The following ADAMTS18 variants were observed in gnomAD, a reference collection of about 807,000 sequenced individuals.
ADAMTS18 encodes the protein A disintegrin and metalloproteinase with thrombospondin motifs 18.
Under a neutral mutation model 165.9 loss-of-function variants are expected in ADAMTS18, and 157 were observed. The observed-to-expected ratio is 0.95, with a 90% confidence interval of 0.83 to 1.08. The LOEUF (loss-of-function observed/expected upper bound fraction) is 1.08, where lower values mean the gene tolerates loss of function less well. Among genes scored for constraint, ADAMTS18 ranks in the 50% least tolerant of loss-of-function variants. The probability of loss-of-function intolerance (pLI) is 0.00; values close to 1 mark genes in which losing one functional copy is unlikely to be tolerated. For missense variants in ADAMTS18, 2,040 were observed against 1,534.0 expected (o/e 1.33, Z -5.51); for synonymous variants, 782 against 578.2 (o/e 1.35, Z -5.06).
chr16:77,383,559 T>C (rs2057063345), intron 3 of ADAMTS18, among the ~76,000 whole-genome samples: 3 of 152,004 alleles, frequency 2.0e-5, no homozygotes, highest in African/African-American at 4.8e-5. Flanking sequence ...GTTGTTGTTG[T>C]TGGAGACAGA....
intron 3 of ADAMTS18, among the ~76,000 whole-genome samples, chr16:77,419,873 C>T (rs1416339083): frequency 1.3e-5 from 2 of 151,686 alleles, no homozygotes; most frequent in Non-Finnish European, 2.9e-5. Context: ...GGTAGTGGCG[C>T]CTGTAATCCC....
At chr16:77,300,135 G>A in intron 17 of ADAMTS18, 128 bp downstream of exon 17, 1 of 1,120,172 alleles carries the variant, frequency 8.9e-7, no homozygotes, top group Non-Finnish European at 1.3e-6. Context: ...TGCTTTTATG[G>A]TGATGGTTCT....
intron 3 of ADAMTS18, among the ~76,000 whole-genome samples, chr16:77,375,012 A>G (rs2056928563): frequency 6.6e-6 from 1 of 152,060 alleles, no homozygotes; most frequent in Non-Finnish European, 1.5e-5. Flanking sequence ...CCCAAAAGAA[A>G]CCATCTGTTT....
intron 3 of ADAMTS18, among the ~76,000 whole-genome samples, chr16:77,381,812 A>G (rs946393978): frequency 6.6e-6 from 1 of 152,170 alleles, no homozygotes; most frequent in Non-Finnish European, 1.5e-5. Flanking sequence ...AAAAAAATAA[A>G]TAATAAATAA....
chr16:77,418,918 A>T (rs923304349), intron 3 of ADAMTS18, among the ~76,000 whole-genome samples: 1 of 152,222 alleles, frequency 6.6e-6, no homozygotes. Context: ...TGGGAGGTCC[A>T]GGCAGGTGGA....
intron 21 of ADAMTS18, among the ~76,000 whole-genome samples, chr16:77,290,268 C>G (rs887769363): frequency 1.3e-5 from 2 of 152,200 alleles, no homozygotes; most frequent in African/African-American, 4.8e-5. Context: ...GTACTCCTCA[C>G]TGCCGTTGTA....
intron 3 of ADAMTS18, among the ~76,000 whole-genome samples, chr16:77,426,305 G>T (rs1011256421): frequency 6.6e-6 from 1 of 151,928 alleles, no homozygotes; most frequent in African/African-American, 2.4e-5. Flanking sequence ...TTGTGTTGAT[G>T]TTTTTCATGT....
intron 3 of ADAMTS18, among the ~76,000 whole-genome samples, chr16:77,373,169 G>A (rs2056900097): frequency 6.6e-6 from 1 of 152,070 alleles, no homozygotes; most frequent in African/African-American, 2.4e-5. Context: ...CATCTTCTCA[G>A]AGAAGCCGTA....
intron 3 of ADAMTS18, among the ~76,000 whole-genome samples, chr16:77,402,165 C>T (rs367747378): frequency 7.2e-5 from 11 of 152,292 alleles, no homozygotes; most frequent in Middle Eastern, 3.4e-3. Context: ...CTAATACACT[C>T]GGTCTCCTTC....
At chr16:77,361,692 T>C (rs7198462) in intron 7 of ADAMTS18, among the ~76,000 whole-genome samples, 1,713 of 152,290 alleles carry the variant, frequency 0.011, 29 homozygotes, top group African/African-American at 0.038. Context: ...GAGACCAGCC[T>C]GGCCAACATG....
intron 3 of ADAMTS18, among the ~76,000 whole-genome samples, chr16:77,420,902 G>A (rs1327935200): frequency 1.6e-4 from 25 of 152,062 alleles, no homozygotes. Flanking sequence ...AGGAGATGAG[G>A]AATTGTAAAA....
At position 77,386,615 on chromosome 16, in the gene ADAMTS18, G is replaced by C. The variant is rs561000106; in HGVS notation, c.496-18892C>G. On this transcript the variant is annotated intron_variant, in intron 3 of 22. Coordinates refer to ENST00000282849, the MANE Select transcript of ADAMTS18 (RefSeq NM_199355.4). ...CATCCCTCATTATATTACTAGTCTG[G>C]TGCCTATGAACATTTGACTTTGTGA... 5.9e-5 allele frequency among the ~76,000 whole-genome samples: 9 copies of C among 152,182 alleles called. No homozygotes were observed. The South Asian group carries it at 1.9e-3, about 32-fold the overall frequency.
chr16:77,292,529 C>G (rs2055383436), intron 20 of ADAMTS18, among the ~76,000 whole-genome samples: 2 of 152,186 alleles, frequency 1.3e-5, no homozygotes. Context: ...TCTCTTCTGA[C>G]AAGGGTTCTT....
At chr16:77,302,668 A>C (rs777061565) in intron 16 of ADAMTS18, among the ~76,000 whole-genome samples, 6 of 152,222 alleles carry the variant, frequency 3.9e-5, no homozygotes, top group Non-Finnish European at 8.8e-5. Context: ...ACGCAAAGAA[A>C]ATATAAAAGA....
At chr16:77,427,395 C>T (rs1200752104) in intron 3 of ADAMTS18, among the ~76,000 whole-genome samples, 1 of 152,212 alleles carries the variant, frequency 6.6e-6, no homozygotes, top group Non-Finnish European at 1.5e-5. Context: ...TGTGGTTCAA[C>T]AGCAAGATGA....
rs1361865259 is a variant in ADAMTS18, at chr16:77,297,276, C to T, written c.2801+13G>A. ...TACAAAACTAAACAAAAAGACACTT[C>T]CAAATGACTTACTAAGCCGGGCAGG... On this transcript the variant is annotated intron_variant, in intron 18 of 22. Transcript: ENST00000282849. The T allele has an allele frequency of 6.2e-7, 1 of 1,614,018 alleles. No individual in the cohort carries two copies. The highest frequency in any genetic ancestry group is 1.3e-5 in the African/African-American group (1 of 74,936).
At chr16:77,403,864 G>C (rs1316046875) in intron 3 of ADAMTS18, among the ~76,000 whole-genome samples, 2 of 152,168 alleles carry the variant, frequency 1.3e-5, no homozygotes, top group Non-Finnish European at 1.5e-5. Flanking sequence ...TGCCATGCAA[G>C]TACAAAACAA....
intron 2 of ADAMTS18, among the ~76,000 whole-genome samples, chr16:77,434,149 A>ATC (rs1313926932): frequency 8.8e-5 from 13 of 148,164 alleles, no homozygotes; most frequent in African/African-American, 3.0e-4. Flanking sequence ...TGCAGTTAGG[A>ATC]TTTTTTTTTT....
intron 16 of ADAMTS18, among the ~76,000 whole-genome samples, chr16:77,316,010 G>T (rs2055880118): frequency 6.6e-6 from 1 of 152,076 alleles, no homozygotes; most frequent in South Asian, 2.1e-4. Flanking sequence ...CAGATGCTCA[G>T]GGAAGAAACC....
Sources: gnomAD v4.1 joint callset for allele counts (sites outside exome capture counted in the v4.1 genomes callset) on GRCh38, gnomAD v4.1.1 for gene constraint, MANE v1.5 for transcripts, NCBI Gene and HGNC (gene_info 2026-07-23, HGNC 2026-07-21) for gene names.